The following SEL1L2 variants were observed in gnomAD, a reference collection of about 807,000 sequenced individuals.
SEL1L2 encodes the protein SEL1L2 adaptor subunit of SYVN1 ubiquitin ligase, also known as protein sel-1 homolog 2.
SEL1L2 carries 89 observed loss-of-function variants against 98.8 expected under a neutral mutation model. The ratio of observed to expected loss-of-function variants is 0.90; its 90% CI spans 0.76 to 1.07. SEL1L2 has a LOEUF of 1.07. Among genes scored for constraint, SEL1L2 ranks in the 50% least tolerant of loss-of-function variants. SEL1L2 has a pLI of 0.00. For synonymous variants in SEL1L2, 262 were observed against 278.5 expected (o/e 0.94, Z 0.59); for missense variants, 788 against 812.0 (o/e 0.97, Z 0.36).
rs188955425 is a variant in SEL1L2, at chr20:13,966,869, A to G, written c.59-10738T>C. Reference sequence around the variant, plus strand: ...AGTTCCTCTCTCTTTCTCTGTTACCAGAGACCTGTCTTTTTTTTTTTTTTT... The same window carrying G: ...AGTTCCTCTCTCTTTCTCTGTTACCGGAGACCTGTCTTTTTTTTTTTTTTT... On this transcript the variant is annotated intron_variant, in intron 1 of 19. Coordinates refer to ENST00000284951, the MANE Select transcript of SEL1L2 (RefSeq NM_025229.2). 1.4e-3 allele frequency among the ~76,000 whole-genome samples: 204 copies of G among 143,972 alleles called. 1 individual carries two copies. The highest frequency in any genetic ancestry group is 0.013 in the Admixed American group (166 of 13,272). 94.5% of individuals were successfully genotyped at this position (143,972 alleles called of 152,430 possible). A position where few individuals can be genotyped will look rare whatever the true frequency, so the allele number is the denominator to read the frequency against.
intron 1 of SEL1L2, among the ~76,000 whole-genome samples, chr20:13,981,386 G>T (rs1669935506): frequency 6.6e-6 from 1 of 152,192 alleles, no homozygotes; most frequent in African/African-American, 2.4e-5. Flanking sequence ...ATGTTGCACA[G>T]CATGGTGACT....
intron 12 of SEL1L2, among the ~76,000 whole-genome samples, chr20:13,872,462 G>C (rs191266759): frequency 1.8e-4 from 28 of 152,262 alleles, no homozygotes; most frequent in South Asian, 1.2e-3. Flanking sequence ...GAAGGACGTG[G>C]TTGCTTTCCC....
intron 2 of SEL1L2, among the ~76,000 whole-genome samples, chr20:13,937,340 A>G (rs576944919): frequency 1.7e-4 from 26 of 152,218 alleles, no homozygotes; most frequent in Non-Finnish European, 3.4e-4. Context: ...GCTTTTGTGC[A>G]GATGAGCGAC....
chr20:13,954,526 G>T (rs1446283627), intron 2 of SEL1L2, among the ~76,000 whole-genome samples: 1 of 152,108 alleles, frequency 6.6e-6, no homozygotes, highest in East Asian at 1.9e-4. Flanking sequence ...TGACACAAAG[G>T]TAGTGTTTTG....
At chr20:13,916,934 T>C (rs971864842) in intron 4 of SEL1L2, among the ~76,000 whole-genome samples, 1 of 152,102 alleles carries the variant, frequency 6.6e-6, no homozygotes, top group African/African-American at 2.4e-5. Context: ...CACTAATGGA[T>C]GGTCTGCTAT....
At chr20:13,858,758 G>C (rs537310974) in intron 18 of SEL1L2, among the ~76,000 whole-genome samples, 112 of 151,914 alleles carry the variant, frequency 7.4e-4, no homozygotes, top group African/African-American at 2.6e-3. Context: ...TGGGGGACTG[G>C]AGATTCACTC....
chr20:13,991,280 G>C (rs1045567584), upstream of SEL1L2, among the ~76,000 whole-genome samples: 4 of 152,162 alleles, frequency 2.6e-5, no homozygotes, highest in African/African-American at 9.7e-5. Context: ...AGTCTGTCCA[G>C]GTCATTACTT....
chr20:13,931,321 C>T (rs1051665297), intron 3 of SEL1L2, among the ~76,000 whole-genome samples: 4 of 151,892 alleles, frequency 2.6e-5, no homozygotes, highest in African/African-American at 4.8e-5. Context: ...TGAGCCACCG[C>T]GCCTGGCCTG....
upstream of SEL1L2, among the ~76,000 whole-genome samples, chr20:13,992,657 T>C (rs2052567426): frequency 6.6e-6 from 1 of 152,150 alleles, no homozygotes; most frequent in African/African-American, 2.4e-5. Context: ...AATTTAATTG[T>C]TATAAAAAGA....
chr20:13,857,135 G>A (rs969944758), intron 18 of SEL1L2, among the ~76,000 whole-genome samples: 6 of 151,718 alleles, frequency 4.0e-5, no homozygotes, highest in Non-Finnish European at 5.9e-5. Context: ...AAAACAAAGG[G>A]CAATGGTCCC....
chr20:13,887,384 A>G (rs1237971860), intron 8 of SEL1L2, among the ~76,000 whole-genome samples: 1 of 152,196 alleles, frequency 6.6e-6, no homozygotes, highest in Admixed American at 6.5e-5. Flanking sequence ...GATACCTCCA[A>G]TGTATACCTT....
chr20:13,903,075 G>A (rs182151639), intron 5 of SEL1L2, among the ~76,000 whole-genome samples: 32 of 135,880 alleles, frequency 2.4e-4, no homozygotes, highest in Admixed American at 2.2e-3. Flanking sequence ...GTGAGATCGC[G>A]CCACTGCACT....
intron 1 of SEL1L2, among the ~76,000 whole-genome samples, chr20:13,962,567 G>A (rs1479953310): frequency 1.3e-5 from 2 of 152,156 alleles, no homozygotes; most frequent in Non-Finnish European, 2.9e-5. Context: ...ATGAGATTAT[G>A]AGGAGTAATA....
intron 5 of SEL1L2, among the ~76,000 whole-genome samples, chr20:13,909,896 G>C (rs1326388231): frequency 3.3e-5 from 5 of 152,102 alleles, no homozygotes; most frequent in Admixed American, 6.6e-5. Flanking sequence ...TCTTGAACCT[G>C]GGAGGTGGAG....
chr20:13,880,591 A>T (rs1271395990), intron 10 of SEL1L2, among the ~76,000 whole-genome samples: 1 of 149,586 alleles, frequency 6.7e-6, no homozygotes, highest in Non-Finnish European at 1.5e-5. Flanking sequence ...AAGAGTTAAG[A>T]TCAAGTACTC....
chr20:13,953,972 G>A (rs1262288576), intron 2 of SEL1L2, among the ~76,000 whole-genome samples: 1 of 152,180 alleles, frequency 6.6e-6, no homozygotes, highest in Admixed American at 6.5e-5. Flanking sequence ...ATTCTTTAAT[G>A]TGGAAGGAAA....
chr20:13,939,692 G>GTT (rs1555890033), intron 2 of SEL1L2, among the ~76,000 whole-genome samples: 6 of 97,088 alleles, frequency 6.2e-5, no homozygotes, highest in African/African-American at 1.0e-4. Context: ...TTGAGACAGA[G>GTT]TTTTGTTCTT....
intron 12 of SEL1L2, among the ~76,000 whole-genome samples, chr20:13,871,621 C>G (rs1002695899): frequency 1.3e-5 from 2 of 151,972 alleles, no homozygotes; most frequent in African/African-American, 4.8e-5. Context: ...AAACTATTCT[C>G]CTGCCTCAGC....
intron 2 of SEL1L2, among the ~76,000 whole-genome samples, chr20:13,941,155 A>C (rs2049758190): frequency 6.6e-6 from 1 of 152,192 alleles, no homozygotes; most frequent in Non-Finnish European, 1.5e-5. Context: ...AGGACCTTCA[A>C]CAGAAATAAA....
Sources: gnomAD v4.1 joint callset for allele counts (sites outside exome capture counted in the v4.1 genomes callset) on GRCh38, gnomAD v4.1.1 for gene constraint, MANE v1.5 for transcripts, NCBI Gene and HGNC (gene_info 2026-07-23, HGNC 2026-07-21) for gene names.